FOCAD: variants seen among roughly 807,000 people sequenced by gnomAD.
FOCAD encodes the protein KIAA1797.
FOCAD carries 198 observed loss-of-function variants against 225.6 expected under a neutral mutation model. That is an observed-to-expected ratio of 0.88 (90% CI 0.78 to 0.99). FOCAD has a LOEUF of 0.99. FOCAD is among the 50% of genes least tolerant of loss of function. FOCAD has a pLI of 0.00. For missense variants in FOCAD, 2,713 were observed against 2,123.6 expected (o/e 1.28, Z -5.46); for synonymous variants, 897 against 755.0 (o/e 1.19, Z -3.08).
At chr9:20,869,285 C>G (rs924639364) in intron 18 of FOCAD, among the ~76,000 whole-genome samples, 1 of 152,030 alleles carries the variant, frequency 6.6e-6, no homozygotes, top group Admixed American at 6.6e-5. Context: ...CTCTTCTTAC[C>G]TATGGAAACC....
intron 4 of FOCAD, among the ~76,000 whole-genome samples, chr9:20,726,683 G>T (rs1448485220): frequency 6.6e-6 from 1 of 152,062 alleles, no homozygotes; most frequent in Non-Finnish European, 1.5e-5. Flanking sequence ...AAGGTTCAGT[G>T]GTTAAAAATG....
chr9:20,990,011 T>G, intron 41 of FOCAD, 112 bp from the exon 42 acceptor site: 4 of 1,265,290 alleles, frequency 3.2e-6, no homozygotes, highest in Non-Finnish European at 4.5e-6. Context: ...GAGGGACTGG[T>G]TGGGTGAAGG....
At chr9:20,719,210 T>C (rs955037283) in intron 3 of FOCAD, among the ~76,000 whole-genome samples, 2 of 152,042 alleles carry the variant, frequency 1.3e-5, no homozygotes, top group Non-Finnish European at 2.9e-5. Flanking sequence ...GCCTCCCGAG[T>C]AGCTGGGACT....
intron 2 of FOCAD, among the ~76,000 whole-genome samples, 160 bp downstream of exon 2, chr9:20,715,570 A>G (rs1363982295): frequency 1.3e-5 from 2 of 152,094 alleles, no homozygotes; most frequent in African/African-American, 4.8e-5. Flanking sequence ...GAAAATATAT[A>G]TTTGACATGG....
At chr9:20,678,393 C>T (rs1350475382) in intron 2 of FOCAD, among the ~76,000 whole-genome samples, 1 of 152,118 alleles carries the variant, frequency 6.6e-6, no homozygotes, top group Non-Finnish European at 1.5e-5. Flanking sequence ...TGACTGCAGA[C>T]ATGTAAAGAG....
chr9:20,919,292 C>G (rs1358853366), intron 24 of FOCAD, among the ~76,000 whole-genome samples: 4 of 152,094 alleles, frequency 2.6e-5, no homozygotes, highest in Non-Finnish European at 5.9e-5. Flanking sequence ...GAACTACGGA[C>G]CACTGCTGAA....
chr9:20,919,514 A>C (rs550281481), intron 24 of FOCAD, among the ~76,000 whole-genome samples: 41 of 152,332 alleles, frequency 2.7e-4, no homozygotes, highest in African/African-American at 9.1e-4. Flanking sequence ...GTCAATCCTA[A>C]GCCAAAAGAA....
chr9:20,977,177 T>C (rs1840299789), intron 36 of FOCAD, among the ~76,000 whole-genome samples: 2 of 152,200 alleles, frequency 1.3e-5, no homozygotes, highest in Admixed American at 6.5e-5. Flanking sequence ...CACCATCATC[T>C]TTCTGGTTCT....
intron 2 of FOCAD, among the ~76,000 whole-genome samples, chr9:20,676,738 T>C (rs1245916740): frequency 1.3e-5 from 2 of 152,194 alleles, no homozygotes; most frequent in African/African-American, 4.8e-5. Flanking sequence ...AATCCATTTA[T>C]TAAAGAAGAC....
At chr9:20,867,586 C>G (rs758307707) in intron 18 of FOCAD, among the ~76,000 whole-genome samples, 1 of 151,928 alleles carries the variant, frequency 6.6e-6, no homozygotes, top group South Asian at 2.1e-4. Flanking sequence ...AGTTTTTAGA[C>G]TAAACTAAAA....
chr9:20,883,250 A>G (rs1830829877), intron 20 of FOCAD, among the ~76,000 whole-genome samples: 1 of 152,242 alleles, frequency 6.6e-6, no homozygotes, highest in South Asian at 2.1e-4. Flanking sequence ...CATACTTTCA[A>G]AATATATGAC....
intron 5 of FOCAD, among the ~76,000 whole-genome samples, chr9:20,744,904 A>C (rs1358308014): frequency 6.6e-6 from 1 of 152,218 alleles, no homozygotes; most frequent in Non-Finnish European, 1.5e-5. Context: ...TCAGTGGGCA[A>C]CAAGTTTGTG....
chr9:20,677,619 A>ATCAG (rs2131292393), intron 2 of FOCAD, among the ~76,000 whole-genome samples: 1 of 152,304 alleles, frequency 6.6e-6, no homozygotes, highest in Non-Finnish European at 1.5e-5. Context: ...AATGCTCAAC[A>ATCAG]TCAGTAATCA....
At chr9:20,812,924 G>A (rs1489734052) in intron 11 of FOCAD, among the ~76,000 whole-genome samples, 1 of 151,998 alleles carries the variant, frequency 6.6e-6, no homozygotes, top group African/African-American at 2.4e-5. Context: ...GTACTGTACA[G>A]TATTGTTAAG....
chr9:20,995,520 T>G (rs1841994479), intron 43 of FOCAD, 36 bp from the exon 44 acceptor site: 2 of 1,570,490 alleles, frequency 1.3e-6, no homozygotes, highest in Non-Finnish European at 1.8e-6. Context: ...AAATGACCTT[T>G]TCAAATGCAG....
At chr9:20,781,996 T>C (rs1463989793) in intron 10 of FOCAD, 67 bp downstream of exon 10, 1 of 1,369,422 alleles carries the variant, frequency 7.3e-7, no homozygotes, top group East Asian at 2.3e-5. Context: ...TTACGGATAA[T>C]CTTGCCTCCT....
intron 5 of FOCAD, among the ~76,000 whole-genome samples, chr9:20,754,682 T>C (rs1314565220): frequency 6.6e-6 from 1 of 152,154 alleles, no homozygotes; most frequent in Non-Finnish European, 1.5e-5. Context: ...TATTTGGCAA[T>C]GTCTGGAGAC....
At chr9:20,995,108 T>C (rs1841960118) in intron 43 of FOCAD, among the ~76,000 whole-genome samples, 1 of 152,162 alleles carries the variant, frequency 6.6e-6, no homozygotes, top group African/African-American at 2.4e-5. Context: ...TCATACTTGC[T>C]CCATTGAGTA....
chr9:20,952,596 C>G (rs1223912086), intron 34 of FOCAD: 2 of 242,964 alleles, frequency 8.2e-6, no homozygotes, highest in African/African-American at 4.7e-5. Context: ...GAAGTGGCAC[C>G]TACTACAGTG....
Sources: gnomAD v4.1 joint callset for allele counts (sites outside exome capture counted in the v4.1 genomes callset) on GRCh38, gnomAD v4.1.1 for gene constraint, MANE v1.5 for transcripts, NCBI Gene and HGNC (gene_info 2026-07-23, HGNC 2026-07-21) for gene names.